ZFR2: variants seen among roughly 807,000 people sequenced by gnomAD.
ZFR2 encodes the protein zinc finger RNA binding protein 2.
ZFR2 carries 104 observed loss-of-function variants against 105.7 expected under a neutral mutation model. That is an observed-to-expected ratio of 0.98 (90% CI 0.84 to 1.16). ZFR2 has a LOEUF of 1.16. Ranked by LOEUF, ZFR2 falls within the 50% of genes most tolerant of loss-of-function variation. ZFR2 has a pLI of 0.00. For synonymous variants in ZFR2, 634 were observed against 597.7 expected (o/e 1.06, Z -0.89); for missense variants, 1,425 against 1,355.5 (o/e 1.05, Z -0.80).
At position 3,807,190 on chromosome 19, in the gene ZFR2, G is replaced by C; in HGVS notation, c.2625C>G (p.Asp875Glu). Residue 875 changes from aspartate to glutamate, a missense_variant, in exon 18 of 19, where the codon GAC (aspartate) becomes GAG (glutamate). Transcript: ENST00000262961. ...CTCCTACCTGGGCGCTGGCGGTCAC[G>C]TCTTCCCGCTCTTGGAGGGTCATGG... ...LEPMTLQEREDVTASAQHALR... is the reference protein window; with the variant it reads ...LEPMTLQEREEVTASAQHALR... The C allele has an allele frequency of 6.4e-7, 1 of 1,556,194 alleles. No individual in the cohort carries two copies. Among genetic ancestry groups the C allele is most frequent in the Non-Finnish European group, 8.7e-7 (1 of 1,149,330 alleles).
chr19:3,807,571 G>A (rs1000832838), intron 17 of ZFR2, among the ~76,000 whole-genome samples: 2 of 151,650 alleles, frequency 1.3e-5, no homozygotes, highest in African/African-American at 4.8e-5. Flanking sequence ...GTGTCCATGC[G>A]TGCCCATGTG....
chr19:3,833,432 C>T (rs372220137), intron 3 of ZFR2: 53 of 384,820 alleles, frequency 1.4e-4, no homozygotes, highest in South Asian at 1.1e-3. Flanking sequence ...AAAAATTAGC[C>T]GGGCGTGGTT....
intron 1 of ZFR2, among the ~76,000 whole-genome samples, chr19:3,846,210 T>TA (rs1262006447): frequency 6.6e-6 from 1 of 152,216 alleles, no homozygotes; most frequent in Non-Finnish European, 1.5e-5. Context: ...CGCCTGACCT[T>TA]AGGTGATCCA....
chr19:3,821,311 C>T (rs1370231961), intron 10 of ZFR2, 29 bp downstream of exon 10: 30 of 1,545,736 alleles, frequency 1.9e-5, no homozygotes, highest in Non-Finnish European at 2.6e-5. Flanking sequence ...CCTCACCAGG[C>T]CCCCTTGCCA....
At chr19:3,810,931 C>G in intron 15 of ZFR2, 86 bp from the exon 16 acceptor site, 2 of 1,433,722 alleles carry the variant, frequency 1.4e-6, no homozygotes, top group Admixed American at 4.2e-5. Context: ...GCGTGAACCC[C>G]AGGGAGGATA....
intron 7 of ZFR2, among the ~76,000 whole-genome samples, chr19:3,824,464 G>A (rs1467233274): frequency 6.6e-6 from 1 of 152,194 alleles, no homozygotes; most frequent in Non-Finnish European, 1.5e-5. Flanking sequence ...ACAGGCAGAG[G>A]GGTGTGAGGA....
chr19:3,833,375 G>A (rs1224650894), intron 3 of ZFR2, among the ~76,000 whole-genome samples: 1 of 152,070 alleles, frequency 6.6e-6, no homozygotes, highest in Non-Finnish European at 1.5e-5. Context: ...AGGAGATGGA[G>A]ACCATCCTGG....
intron 1 of ZFR2, among the ~76,000 whole-genome samples, chr19:3,860,443 C>G (rs1029132119): frequency 2.6e-5 from 4 of 152,152 alleles, no homozygotes; most frequent in Non-Finnish European, 4.4e-5. Context: ...CAGGATGGAG[C>G]CACCATAGGG....
At chr19:3,822,309 TTATG>T (rs1221483042) in intron 8 of ZFR2, 109 bp from the exon 9 acceptor site, 1 of 1,483,646 alleles carries the variant, frequency 6.7e-7, no homozygotes, top group Non-Finnish European at 9.1e-7. Context: ...CTCATTTTAT[TTATG>T]TATGTCTTTT....
chr19:3,807,975 G>A (rs913827309), intron 17 of ZFR2, among the ~76,000 whole-genome samples: 8 of 148,388 alleles, frequency 5.4e-5, no homozygotes, highest in South Asian at 2.1e-4. Context: ...GTGCCCGTGC[G>A]TGCTTGTGTG....
chr19:3,852,740 T>G (rs2038254874), intron 1 of ZFR2: 1 of 633,750 alleles, frequency 1.6e-6, no homozygotes, highest in Non-Finnish European at 2.9e-6. Flanking sequence ...ACACAGCTCC[T>G]GGGAAGAACA....
At chr19:3,819,313 G>A in intron 11 of ZFR2, 78 bp from the exon 12 acceptor site, 1 of 918,846 alleles carries the variant, frequency 1.1e-6, no homozygotes, top group Middle Eastern at 4.0e-4. Flanking sequence ...GCAGGTGGGG[G>A]CAGGTGGCCG....
At chr19:3,836,938 C>T (rs542755653) in intron 1 of ZFR2, among the ~76,000 whole-genome samples, 1 of 152,132 alleles carries the variant, frequency 6.6e-6, no homozygotes, top group Non-Finnish European at 1.5e-5. Flanking sequence ...AAAAAGTGAA[C>T]CTCCAACCCC....
intron 1 of ZFR2, chr19:3,855,623 A>C (rs919842906): frequency 2.7e-5 from 12 of 438,764 alleles, no homozygotes; most frequent in East Asian, 7.2e-5. Flanking sequence ...GATGGTTCTC[A>C]TGCCGCCGGG....
rs1482141520 is a variant in ZFR2 at position 3,831,470 on chromosome 19, G to C, written c.685C>G (p.Pro229Ala). The C allele has an allele frequency of 1.9e-6, 3 of 1,550,572 alleles. No homozygotes were observed. Among genetic ancestry groups the C allele is most frequent in the Non-Finnish European group, 8.7e-7 (1 of 1,147,820 alleles). Residue 229 changes from proline (P) to alanine (A), a missense_variant, in exon 5 of 19, where the codon CCC (proline) becomes GCC (alanine). Pro to Ala is a conservative substitution (Grantham distance 27). Coordinates refer to ENST00000262961, the MANE Select transcript of ZFR2 (RefSeq NM_015174.2). The stretch of plus-strand genomic sequence containing the variant: ...GGCGGCGGGGGCAGCTGCTGCGGGG[G>C]TCCCGGGGGAGGCGGGGGCTGCGCT... ...PPAQPPPPPGPPQQLPPPPAP... is the reference protein window; with the variant it reads ...PPAQPPPPPGAPQQLPPPPAP...
At chr19:3,866,326 T>G (rs1442705204) in intron 1 of ZFR2, among the ~76,000 whole-genome samples, 6 of 152,210 alleles carry the variant, frequency 3.9e-5, no homozygotes, top group African/African-American at 1.4e-4. Context: ...ACTATTTTCT[T>G]AAGGAAGAAC....
At chr19:3,841,454 G>A (rs1417753603) in intron 1 of ZFR2, among the ~76,000 whole-genome samples, 1 of 152,180 alleles carries the variant, frequency 6.6e-6, no homozygotes, top group Non-Finnish European at 1.5e-5. Context: ...GGAGGCTAAG[G>A]CGAGAGGACT....
chr19:3,861,124 G>C (rs563074345), intron 1 of ZFR2, among the ~76,000 whole-genome samples: 1 of 152,068 alleles, frequency 6.6e-6, no homozygotes, highest in East Asian at 1.9e-4. Context: ...ACAATGCCGC[G>C]GAAGCAGAGC....
chr19:3,828,200 A>G (rs1426189421), intron 5 of ZFR2, among the ~76,000 whole-genome samples: 1 of 147,924 alleles, frequency 6.8e-6, no homozygotes, highest in Admixed American at 6.8e-5. Flanking sequence ...GCTGGAGTGC[A>G]GTGGCGTGAT....
Sources: gnomAD v4.1 joint callset for allele counts (sites outside exome capture counted in the v4.1 genomes callset) on GRCh38, gnomAD v4.1.1 for gene constraint, MANE v1.5 for transcripts, NCBI Gene and HGNC (gene_info 2026-07-23, HGNC 2026-07-21) for gene names.